Variants in CYP4V2 observed in about 807,000 individuals in gnomAD.
The protein encoded by CYP4V2 is cytochrome P450 family 4 subfamily V member 2, also known as cytochrome P450 4V2.
CYP4V2 carries 55 observed loss-of-function variants against 60.8 expected under a neutral mutation model. The observed-to-expected ratio is 0.90, with a 90% confidence interval of 0.73 to 1.13. The LOEUF (loss-of-function observed/expected upper bound fraction) is 1.13, where lower values mean the gene tolerates loss of function less well. Ranked by LOEUF, CYP4V2 falls within the 50% of genes most tolerant of loss-of-function variation. CYP4V2 has a pLI of 0.00. For missense variants in CYP4V2, 675 were observed against 662.9 expected, an observed-to-expected ratio of 1.02 and a Z score of -0.20; for synonymous variants, 239 against 236.8, an observed-to-expected ratio of 1.01 and a Z score of -0.08.
intron 7 of CYP4V2, 65 bp downstream of exon 7, chr4:186,201,407 A>G: frequency 3.2e-6 from 5 of 1,552,414 alleles, no homozygotes; most frequent in Middle Eastern, 1.8e-4. Context: ...AATCTTTAGC[A>G]TTATTTTTTA....
At chr4:186,205,337 A>G in intron 8 of CYP4V2, 35 bp downstream of exon 8, 2 of 1,578,586 alleles carry the variant, frequency 1.3e-6, no homozygotes, top group Non-Finnish European at 1.7e-6. Context: ...ATATTGTGGT[A>G]CTAAGTCTGC....
chr4:186,197,551 A>G lies in CYP4V2; in HGVS notation c.623A>G (p.Asn208Ser). The G allele has an allele frequency of 6.2e-7, 1 of 1,614,250 alleles. No homozygotes were observed. The highest frequency in any genetic ancestry group is 8.5e-7 in the Non-Finnish European group (1 of 1,180,044). The change falls in exon 5 of 11, where the codon AAT becomes AGT. Residue 208 changes from asparagine to serine, a missense_variant. Asn to Ser is a conservative substitution (Grantham distance 46). Coordinates refer to ENST00000378802, the MANE Select transcript of CYP4V2 (RefSeq NM_207352.4). ...DIICETAMGKNIGAQSNDDSE... is the reference protein window; with the variant it reads ...DIICETAMGKSIGAQSNDDSE... Reference sequence around the variant, plus strand: ...TTTATAGAAACAGCTATGGGGAAGAATATTGGTGCTCAAAGTAATGATGAT... The same window carrying G: ...TTTATAGAAACAGCTATGGGGAAGAGTATTGGTGCTCAAAGTAATGATGAT...
In CYP4V2 at chr4:186,204,267, TAAGACGC is replaced by T. The variant is rs765191047; in HGVS notation, c.988-932_988-926del. The T allele has an allele frequency of 9.4e-3, 1,507 of 159,798 alleles. 241 individuals are homozygous for T. The highest frequency in any genetic ancestry group is 0.013 in the African/African-American group (523 of 39,028). 9.9% of individuals were successfully genotyped at this position (159,798 alleles called of 1,614,324 possible). ...TGGCGGTGGAGACGCTACGCTGGCG[TAAGACGC>T]GGCGGTGGAGACGCTACGCTGGCGT... On this transcript the variant is annotated intron_variant, in intron 7 of 10. Coordinates refer to ENST00000378802, the MANE Select transcript of CYP4V2 (RefSeq NM_207352.4).
Position 186,208,887 on chromosome 4 carries a change from A to C in CYP4V2, c.1113A>C (p.Thr371=). Residue 371 remains threonine, a synonymous_variant, in exon 9 of 11, where the codon ACA becomes ACC. Transcript: ENST00000378802. ...CAGGGAAGTCTGACCGTCCCGCTACAGTAGAAGACCTGAAGAAACTTCGGT... is the reference window on the plus strand; with the variant it reads ...CAGGGAAGTCTGACCGTCCCGCTACCGTAGAAGACCTGAAGAAACTTCGGT... The part of the protein sequence containing the change: ...DVFGKSDRPA[T]VEDLKKLRYL... The C allele has an allele frequency of 6.2e-7, 1 of 1,614,230 alleles. No individual in the cohort carries two copies. Among genetic ancestry groups the C allele is most frequent in the Non-Finnish European group, 8.5e-7 (1 of 1,180,044 alleles).
At chr4:186,204,288 C>G (rs1316504414) in intron 7 of CYP4V2, 1 of 143,080 alleles carries the variant, frequency 7.0e-6, no homozygotes, top group Admixed American at 7.1e-5. Context: ...GGTGGAGACG[C>G]TACGCTGGCG....
intron 3 of CYP4V2, 103 bp from the exon 4 acceptor site, chr4:186,196,837 T>A: frequency 8.2e-7 from 1 of 1,212,954 alleles, no homozygotes; most frequent in Non-Finnish European, 1.2e-6. Flanking sequence ...GAGAATTTTG[T>A]TGACTTGCTA....
chr4:186,200,358 A>T (rs1044100696), intron 6 of CYP4V2, among the ~76,000 whole-genome samples: 2 of 152,228 alleles, frequency 1.3e-5, no homozygotes, highest in African/African-American at 4.8e-5. Context: ...CCATCCAAGA[A>T]ATATCTAGTG....
chr4:186,196,600 T>G (rs1317095492), intron 3 of CYP4V2: 1 of 312,354 alleles, frequency 3.2e-6, no homozygotes, highest in South Asian at 3.5e-5. Flanking sequence ...ATCTGAGGAC[T>G]GAGGTATTGA....
At chr4:186,209,639 C>T (rs1736645933) in intron 10 of CYP4V2, among the ~76,000 whole-genome samples, 1 of 152,170 alleles carries the variant, frequency 6.6e-6, no homozygotes, top group Non-Finnish European at 1.5e-5. Context: ...TATGTCTTCA[C>T]TTGGTCTTTC....
At position 186,196,097 on chromosome 4, in the gene CYP4V2, G is replaced by A. The variant is rs1399042694; in HGVS notation, c.413+9G>A. The A allele has an allele frequency of 6.2e-7, 1 of 1,605,620 alleles. No individual in the cohort carries two copies. The highest frequency in any genetic ancestry group is 1.3e-5 in the African/African-American group (1 of 74,766). On this transcript the variant is annotated intron_variant, in intron 3 of 10. Coordinates refer to ENST00000378802, the MANE Select transcript of CYP4V2 (RefSeq NM_207352.4). Reference sequence around the variant, plus strand: ...CTAGGACTTCTTACAAGGTATGCCAGTGTACCTTTGTAAAGCTGTCTATAG... The same window carrying A: ...CTAGGACTTCTTACAAGGTATGCCAATGTACCTTTGTAAAGCTGTCTATAG...
intron 6 of CYP4V2, among the ~76,000 whole-genome samples, chr4:186,200,857 A>G (rs113813388): frequency 2.9e-3 from 444 of 152,250 alleles, no homozygotes; most frequent in African/African-American, 0.01. Context: ...GCGCAATCCA[A>G]TCTCTAGGGT....
chr4:186,205,691 A>C (rs965821673), intron 8 of CYP4V2, among the ~76,000 whole-genome samples: 1 of 152,206 alleles, frequency 6.6e-6, no homozygotes, highest in African/African-American at 2.4e-5. Flanking sequence ...AAAGGAGAGA[A>C]AATGTGGATT....
chr4:186,197,235 G>T, intron 4 of CYP4V2, 105 bp downstream of exon 4: 2 of 1,388,344 alleles, frequency 1.4e-6, no homozygotes, highest in South Asian at 2.3e-5. Flanking sequence ...GGGAAAGGGT[G>T]ACGGGCTCTT....
chr4:186,199,157 T>A, intron 6 of CYP4V2, 74 bp downstream of exon 6: 1 of 1,481,212 alleles, frequency 6.8e-7, no homozygotes, highest in Non-Finnish European at 9.3e-7. Context: ...ATTTTAACTG[T>A]ACAGTTTGGT....
intron 7 of CYP4V2, chr4:186,203,894 AGAAT>A (rs902462841): frequency 7.9e-5 from 12 of 152,262 alleles, no homozygotes; most frequent in African/African-American, 2.7e-4. Context: ...TTCTGCACAG[AGAAT>A]GAAATATTAC....
chr4:186,201,405 G>T, intron 7 of CYP4V2, 63 bp downstream of exon 7: 1 of 1,558,780 alleles, frequency 6.4e-7, no homozygotes. Context: ...AGAATCTTTA[G>T]CATTATTTTT....
rs951191458 is a variant in CYP4V2 at position 186,210,796 on chromosome 4, GAA to G, written c.*159_*160del. 4.6e-6 allele frequency: 4 copies of G among 877,198 alleles called. No individual in the cohort carries two copies. Among genetic ancestry groups the G allele is most frequent in the Non-Finnish European group, 5.2e-6 (3 of 579,904 alleles). 54.3% of individuals were successfully genotyped at this position (877,198 alleles called of 1,614,324 possible). On this transcript the variant is annotated 3_prime_UTR_variant, in exon 11 of 11. Transcript: ENST00000378802. ...TGATCTTGACATCAAGTCTAACAAA[GAA>G]AAAGTTTTGAGTTTTGTATTTTCTT...
chr4:186,205,004 C>T (rs1269963192), intron 7 of CYP4V2, 196 bp from the exon 8 acceptor site: 1 of 644,922 alleles, frequency 1.6e-6, no homozygotes, highest in African/African-American at 1.8e-5. Context: ...ACTGCCATCT[C>T]TAGGCATGAA....
chr4:186,192,013 C>A lies in CYP4V2; in HGVS notation c.190C>A (p.Leu64Met). 1 of 1,583,066 alleles carries A rather than the reference C, an allele frequency of 6.3e-7. No homozygotes were observed. Among genetic ancestry groups the A allele is most frequent in the East Asian group, 2.3e-5 (1 of 43,546 alleles). ...CGCCTACCCACTGGTGGGCCACGCG[C>A]TGCTGATGAAGCCGGACGGGCGAGG... ...ARAYPLVGHA[L>M]LMKPDGREFF... The change falls in exon 1 of 11, where the codon CTG becomes ATG. Residue 64 changes from leucine (L) to methionine (M), a missense_variant. By Grantham distance (15) the Leu-to-Met change is conservative. Coordinates refer to ENST00000378802, the MANE Select transcript of CYP4V2 (RefSeq NM_207352.4).
Sources: gnomAD v4.1 joint callset for allele counts (sites outside exome capture counted in the v4.1 genomes callset) on GRCh38, gnomAD v4.1.1 for gene constraint, MANE v1.5 for transcripts, NCBI Gene and HGNC (gene_info 2026-07-23, HGNC 2026-07-21) for gene names.